SLC35F6: variants seen among roughly 807,000 people sequenced by gnomAD.
SLC35F6 encodes the protein ANT2-binding protein.
SLC35F6 carries 26 observed loss-of-function variants against 29.4 expected under a neutral mutation model. The observed-to-expected ratio is 0.89, with a 90% CI of 0.65 to 1.23. The LOEUF (loss-of-function observed/expected upper bound fraction) is 1.23, where lower values mean the gene tolerates loss of function less well. Among genes scored for constraint, SLC35F6 ranks in the 50% most tolerant of loss-of-function variants. SLC35F6 has a pLI of 0.00. For synonymous variants in SLC35F6, 174 were observed against 206.6 expected (o/e 0.84, Z 1.35); for missense variants, 428 against 487.8 (o/e 0.88, Z 1.15).
chr2:26,765,192 C>T (rs978692071), intron 1 of SLC35F6, among the ~76,000 whole-genome samples: 1 of 152,178 alleles, frequency 6.6e-6, no homozygotes, highest in Non-Finnish European at 1.5e-5. Context: ...GTGGCAGAGA[C>T]CAGGTGTGAA....
At chr2:26,776,246 T>G (rs954651290) in intron 4 of SLC35F6, 126 bp from the exon 5 acceptor site, 5 of 735,746 alleles carry the variant, frequency 6.8e-6, no homozygotes, top group Non-Finnish European at 1.1e-5. Context: ...GTGGTGACTG[T>G]GCCTATGAAC....
chr2:26,772,602 T>C (rs182599693), intron 1 of SLC35F6, among the ~76,000 whole-genome samples: 202 of 152,294 alleles, frequency 1.3e-3, no homozygotes, highest in African/African-American at 4.7e-3. Context: ...CCAGATCACA[T>C]GCTCTTGGCT....
intron 1 of SLC35F6, among the ~76,000 whole-genome samples, chr2:26,766,927 T>G (rs1664106349): frequency 6.6e-6 from 1 of 152,190 alleles, no homozygotes; most frequent in Admixed American, 6.5e-5. Context: ...TAACCACCAC[T>G]GGAGGGTGTG....
chr2:26,768,744 G>A (rs1664139490), intron 1 of SLC35F6, among the ~76,000 whole-genome samples: 1 of 150,168 alleles, frequency 6.7e-6, no homozygotes, highest in Admixed American at 6.7e-5. Flanking sequence ...GCAACCTTGA[G>A]CCATCCTCCC....
At chr2:26,770,854 G>A (rs923306879) in intron 1 of SLC35F6, among the ~76,000 whole-genome samples, 4 of 152,234 alleles carry the variant, frequency 2.6e-5, no homozygotes, top group Admixed American at 2.6e-4. Flanking sequence ...GTTCTAGCCT[G>A]TGAGGCTGGG....
Position 26,774,317 on chromosome 2 carries a change from C to T in SLC35F6, c.144C>T (p.Phe48=). 1 of 1,614,044 alleles carries T rather than the reference C, an allele frequency of 6.2e-7. No homozygotes were observed. The highest frequency in any genetic ancestry group is 8.5e-7 in the Non-Finnish European group (1 of 1,179,938). Residue 48 remains phenylalanine, a synonymous_variant, in exon 2 of 6, where the codon TTC becomes TTT. Coordinates refer to ENST00000344420, the MANE Select transcript of SLC35F6 (RefSeq NM_017877.4). ...AGGAGCACAGCTTCCAGCATCCCTT[C>T]CTCCAGGTATCTGGCCCTGTCCCTC... ...GSKEHSFQHP[F]LQAVGMFLGE...
chr2:26,778,573 A>G lies in SLC35F6; in HGVS notation c.*62A>G. 1 of 1,456,278 alleles carries G rather than the reference A, an allele frequency of 6.9e-7. No homozygotes were observed. The highest frequency in any genetic ancestry group is 9.1e-7 in the Non-Finnish European group (1 of 1,099,500). 90.2% of individuals were successfully genotyped at this position (1,456,278 alleles called of 1,614,324 possible). ...CTTCTCCCTGAGACTGAGGCCACAC[A>G]GGCTGGTGGGCCCCGAATGCCCTAT... On this transcript the variant is annotated 3_prime_UTR_variant, in exon 6 of 6. Coordinates refer to ENST00000344420, the MANE Select transcript of SLC35F6 (RefSeq NM_017877.4).
At chr2:26,770,422 A>C (rs1664176075) in intron 1 of SLC35F6, among the ~76,000 whole-genome samples, 1 of 152,058 alleles carries the variant, frequency 6.6e-6, no homozygotes, top group Admixed American at 6.6e-5. Flanking sequence ...CAAAACAAAA[A>C]AACAAACGTT....
intron 1 of SLC35F6, among the ~76,000 whole-genome samples, chr2:26,771,302 C>T (rs1406298399): frequency 3.9e-5 from 6 of 152,232 alleles, no homozygotes; most frequent in African/African-American, 9.6e-5. Context: ...GCTTCCATAC[C>T]TGCCCCCTAC....
intron 5 of SLC35F6, among the ~76,000 whole-genome samples, chr2:26,777,768 G>C (rs540660892): frequency 1.1e-4 from 16 of 147,896 alleles, no homozygotes; most frequent in Non-Finnish European, 2.0e-4. Flanking sequence ...GTGTGTCCAT[G>C]AACCTGTGCA....
In SLC35F6 at chr2:26,780,327, C is replaced by T. The variant is rs993071892; in HGVS notation, c.*1816C>T. 3.3e-5 allele frequency: 5 copies of T among 151,990 alleles called. No homozygotes were observed. Among genetic ancestry groups the T allele is most frequent in the African/African-American group, 4.8e-5 (2 of 41,370 alleles). The allele number at this position is 151,990 out of a possible 1,614,324, so 9.4% of individuals were successfully genotyped here. ...CAGCTCCTGCAAGGACCTGGGGGACCCCCAGGTCCAGCAGCCACATGATTC... is the reference window on the plus strand; with the variant it reads ...CAGCTCCTGCAAGGACCTGGGGGACTCCCAGGTCCAGCAGCCACATGATTC... On this transcript the variant is annotated 3_prime_UTR_variant, in exon 6 of 6. Transcript: ENST00000344420.
intron 1 of SLC35F6, among the ~76,000 whole-genome samples, chr2:26,773,480 G>A (rs1354415923): frequency 1.8e-4 from 26 of 140,924 alleles, no homozygotes; most frequent in African/African-American, 7.0e-4. Context: ...TCCAGCCTGG[G>A]CGACAGAGCG....
At chr2:26,777,734 G>A (rs1188817000) in intron 5 of SLC35F6, among the ~76,000 whole-genome samples, 1 of 124,460 alleles carries the variant, frequency 8.0e-6, no homozygotes, top group Admixed American at 8.4e-5. Context: ...TAAGGGTAAT[G>A]TTTTTATGAG....
intron 1 of SLC35F6, among the ~76,000 whole-genome samples, chr2:26,766,870 G>C (rs140946757): frequency 6.6e-6 from 1 of 152,326 alleles, no homozygotes; most frequent in South Asian, 2.1e-4. Flanking sequence ...CTAAGTGGCA[G>C]AGTTTATAGT....
chr2:26,776,083 A>T (rs769287744), intron 4 of SLC35F6, among the ~76,000 whole-genome samples: 2 of 152,208 alleles, frequency 1.3e-5, no homozygotes, highest in Non-Finnish European at 2.9e-5. Context: ...TAGGGTCAGG[A>T]TCAACCAAGA....
In SLC35F6 at chr2:26,781,079, T is replaced by G. The variant is rs1304092480; in HGVS notation, c.*2568T>G. ...ATGGAGAGACTACAGCTGCCTTGTC[T>G]AAAACCTGGGATCTTAAAAGTGTTA... On this transcript the variant is annotated 3_prime_UTR_variant, in exon 6 of 6. Coordinates refer to ENST00000344420, the MANE Select transcript of SLC35F6 (RefSeq NM_017877.4). The G allele has an allele frequency of 6.6e-6, 1 of 152,188 alleles. No individual in the cohort carries two copies. The highest frequency in any genetic ancestry group is 2.4e-5 in the African/African-American group (1 of 41,436). 9.4% of individuals were successfully genotyped at this position (152,188 alleles called of 1,614,324 possible).
chr2:26,779,001 G>C lies in SLC35F6; in HGVS notation c.*490G>C, dbSNP rs1028642152. ...CGCCCAGGCTGGAGTGCAGTGGCAC[G>C]ATCTCGGCGGCTCACTACAACCTCT... On this transcript the variant is annotated 3_prime_UTR_variant, in exon 6 of 6. Transcript: ENST00000344420. 2.0e-5 allele frequency: 3 copies of C among 152,326 alleles called. No individual in the cohort carries two copies. The highest frequency in any genetic ancestry group is 6.5e-5 in the Admixed American group (1 of 15,292). The allele number at this position is 152,326 out of a possible 1,614,324, so 9.4% of individuals were successfully genotyped here.
intron 1 of SLC35F6, chr2:26,764,899 A>G (rs1664069826): frequency 2.0e-6 from 2 of 985,394 alleles, no homozygotes; most frequent in Non-Finnish European, 2.4e-6. Context: ...TGTGCTTTGA[A>G]GCTTAGGTGG....
At chr2:26,770,250 A>G (rs1664172000) in intron 1 of SLC35F6, among the ~76,000 whole-genome samples, 1 of 152,110 alleles carries the variant, frequency 6.6e-6, no homozygotes, top group Admixed American at 6.5e-5. Context: ...TGCAAAAAAT[A>G]CAAAAATTAG....
Sources: allele counts gnomAD v4.1 joint callset (sites outside exome capture counted in the v4.1 genomes callset), GRCh38; gene constraint gnomAD v4.1.1; transcripts MANE v1.5; gene names NCBI Gene and HGNC (gene_info 2026-07-23, HGNC 2026-07-21).